NRXN3: variants seen among roughly 807,000 people sequenced by gnomAD.
NRXN3 encodes the protein neurexin III.
Under a neutral mutation model 137.6 loss-of-function variants are expected in NRXN3, and 32 were observed. The ratio of observed to expected loss-of-function variants is 0.23; its 90% CI spans 0.18 to 0.31. The LOEUF (loss-of-function observed/expected upper bound fraction) is 0.31. Among genes scored for constraint, NRXN3 ranks in the 10% least tolerant of loss-of-function variants. NRXN3 has a pLI of 1.00. For missense variants in NRXN3, 1,574 were observed against 2,062.5 expected (o/e 0.76, Z 4.59); for synonymous variants, 798 against 784.5 (o/e 1.02, Z -0.29).
intron 15 of NRXN3, among the ~76,000 whole-genome samples, chr14:79,437,720 T>C (rs1459710835): frequency 6.6e-6 from 1 of 152,174 alleles, no homozygotes; most frequent in Admixed American, 6.5e-5. Context: ...TGTGTAGCTT[T>C]TGCTGGCAGC....
In NRXN3 at chr14:79,861,324, CCTT is replaced by C; in HGVS notation, c.4094-15_4094-13del. The stretch of plus-strand genomic sequence containing the variant: ...ACTGATGATGAAGATTTTTACACCA[CCTT>C]CTCCTTGGTAACAGATAAGAGTCTT... On this transcript the variant is annotated splice_polypyrimidine_tract_variant and intron_variant, in intron 20 of 20. Transcript: ENST00000335750. The surrounding 1 kb of genome is among the most constrained non-coding windows in gnomAD (Gnocchi z 5.4). 3 of 1,536,138 alleles carry C rather than the reference CCTT, an allele frequency of 2.0e-6. No homozygotes were observed. Among genetic ancestry groups the C allele is most frequent in the Non-Finnish European group, 2.6e-6 (3 of 1,146,920 alleles).
chr14:79,829,179 C>T (rs922013824), intron 20 of NRXN3, among the ~76,000 whole-genome samples: 1 of 152,078 alleles, frequency 6.6e-6, no homozygotes, highest in South Asian at 2.1e-4. Flanking sequence ...TGTGTGCTTA[C>T]AGTTAGAATA....
At chr14:78,803,525 G>A (rs2098845795) in intron 8 of NRXN3, 95 bp from the exon 9 acceptor site, 2 of 1,105,074 alleles carry the variant, frequency 1.8e-6, no homozygotes, top group African/African-American at 3.1e-5. Context: ...CTACAAATCT[G>A]GCACCCTCTC....
At chr14:79,284,358 A>ATATATATATATATATATATATATATATG (rs1334442638) in intron 15 of NRXN3, among the ~76,000 whole-genome samples, 1 of 113,728 alleles carries the variant, frequency 8.8e-6, no homozygotes, top group Non-Finnish European at 1.7e-5. Context: ...ATATATATAT[A>ATATATATATATATATATATATATATATG]TATATATATA....
chr14:79,380,163 T>TA (rs1427584340), intron 15 of NRXN3, among the ~76,000 whole-genome samples: 3 of 149,572 alleles, frequency 2.0e-5, no homozygotes, highest in African/African-American at 4.9e-5. Flanking sequence ...TTTTTTTTTT[T>TA]TTTTGGTAGA....
intron 8 of NRXN3, among the ~76,000 whole-genome samples, chr14:78,787,681 G>A (rs1192475626): frequency 6.6e-6 from 1 of 152,104 alleles, no homozygotes; most frequent in Non-Finnish European, 1.5e-5. Flanking sequence ...CAAGCTTTGA[G>A]CAAAACAAGC....
chr14:79,210,448 T>C (rs1450917786), intron 15 of NRXN3, among the ~76,000 whole-genome samples: 1 of 152,180 alleles, frequency 6.6e-6, no homozygotes, highest in Non-Finnish European at 1.5e-5. Flanking sequence ...ATCTATTATA[T>C]GTTCTGGGTA....
intron 19 of NRXN3, among the ~76,000 whole-genome samples, chr14:79,736,283 G>A (rs1289825622): frequency 6.6e-6 from 1 of 152,126 alleles, no homozygotes; most frequent in African/African-American, 2.4e-5. Context: ...GTACTTATAA[G>A]GGTGAGTTTC....
At chr14:78,843,796 A>G (rs1439103167) in intron 10 of NRXN3, among the ~76,000 whole-genome samples, 3 of 152,266 alleles carry the variant, frequency 2.0e-5, no homozygotes, top group African/African-American at 7.2e-5. Flanking sequence ...TAATTCATAT[A>G]TAGGCTGAAG....
At chr14:78,429,464 C>G (rs1211895060) in intron 4 of NRXN3, among the ~76,000 whole-genome samples, 1 of 152,174 alleles carries the variant, frequency 6.6e-6, no homozygotes, top group Non-Finnish European at 1.5e-5. Flanking sequence ...AAATCCTACT[C>G]TAGTTGCCAA....
At chr14:78,353,551 C>T (rs2083857276) in intron 4 of NRXN3, among the ~76,000 whole-genome samples, 1 of 152,078 alleles carries the variant, frequency 6.6e-6, no homozygotes, top group South Asian at 2.1e-4. Context: ...GCTGGGGTCA[C>T]ATTGGTGATC....
chr14:78,772,006 A>T lies in NRXN3; in HGVS notation c.2045-31614A>T, dbSNP rs147175697. Among the ~76,000 whole-genome samples the T allele has an allele frequency of 2.2e-3, 337 of 152,310 alleles. 2 individuals carry two copies. Among genetic ancestry groups the T allele is most frequent in the African/African-American group, 7.7e-3 (321 of 41,574 alleles). On this transcript the variant is annotated intron_variant, in intron 8 of 20. Transcript: ENST00000335750. ...CTAAACATGAAATTCATTATGTGTCATATATACCTTATATACATAGCTGGA... is the reference window on the plus strand; with the variant it reads ...CTAAACATGAAATTCATTATGTGTCTTATATACCTTATATACATAGCTGGA...
chr14:79,106,403 A>G (rs2052447686), intron 15 of NRXN3, among the ~76,000 whole-genome samples: 1 of 152,142 alleles, frequency 6.6e-6, no homozygotes, highest in Non-Finnish European at 1.5e-5. Context: ...GCTTTACCCA[A>G]GCCCAGATTC....
intron 15 of NRXN3, among the ~76,000 whole-genome samples, chr14:79,069,490 T>A (rs1320114785): frequency 6.6e-6 from 1 of 152,016 alleles, no homozygotes; most frequent in Non-Finnish European, 1.5e-5. Flanking sequence ...TGTAACTTGT[T>A]TGACAGTGCT....
intron 1 of NRXN3, among the ~76,000 whole-genome samples, chr14:78,229,316 A>G (rs1489626803): frequency 6.6e-6 from 1 of 151,974 alleles, no homozygotes; most frequent in East Asian, 1.9e-4. Flanking sequence ...GGCTTAAGAA[A>G]GGAAAGCCCT....
chr14:78,443,378 G>T (rs916479634), intron 4 of NRXN3, among the ~76,000 whole-genome samples: 7 of 152,180 alleles, frequency 4.6e-5, no homozygotes, highest in African/African-American at 1.4e-4. Flanking sequence ...TGCACTGTGC[G>T]CTCTGCCAGC....
chr14:78,719,708 G>T (rs2098450722), intron 8 of NRXN3, among the ~76,000 whole-genome samples: 1 of 152,226 alleles, frequency 6.6e-6, no homozygotes. Context: ...TGGGCTTGGT[G>T]GTGCATGCCT....
At chr14:79,477,491 ACAT>A (rs763130642) in intron 16 of NRXN3, among the ~76,000 whole-genome samples, 65 of 152,158 alleles carry the variant, frequency 4.3e-4, no homozygotes, top group Admixed American at 1.4e-3. Flanking sequence ...ATTATCTGGT[ACAT>A]AGTGGATGTT....
At chr14:78,676,022 A>G (rs962853688) in intron 6 of NRXN3, among the ~76,000 whole-genome samples, 4 of 152,118 alleles carry the variant, frequency 2.6e-5, no homozygotes, top group African/African-American at 9.7e-5. Context: ...TAAATGTTGC[A>G]TGGGTTCTGA....
Sources: allele counts gnomAD v4.1 joint callset (sites outside exome capture counted in the v4.1 genomes callset), GRCh38; gene constraint gnomAD v4.1.1; non-coding constraint Gnocchi (gnomAD v3.1); transcripts MANE v1.5; gene names NCBI Gene and HGNC (gene_info 2026-07-23, HGNC 2026-07-21).